Variants in EGR3 observed in about 807,000 individuals in gnomAD.
EGR3 encodes the protein early growth response protein 3.
EGR3 carries 4 observed loss-of-function variants against 22.4 expected under a neutral mutation model. The observed-to-expected ratio is 0.18, with a 90% CI of 0.09 to 0.41. The LOEUF (loss-of-function observed/expected upper bound fraction) is 0.41. Among genes scored for constraint, EGR3 ranks in the 10% least tolerant of loss-of-function variants. EGR3 has a pLI of 1.00. For synonymous variants in EGR3, 219 were observed against 226.8 expected (o/e 0.97, Z 0.31); for missense variants, 315 against 541.3 (o/e 0.58, Z 4.15).
In EGR3 at chr8:22,692,209, C is replaced by CCCT; in HGVS notation, c.154+579_154+581dup. 1 of 1,420,082 alleles carries CCCT rather than the reference C, an allele frequency of 7.0e-7. No individual in the cohort carries two copies. The highest frequency in any genetic ancestry group is 9.1e-7 in the Non-Finnish European group (1 of 1,092,996). The allele number at this position is 1,420,082 out of a possible 1,614,324, so 88.0% of individuals were successfully genotyped here. On this transcript the variant is annotated intron_variant, in intron 1 of 1. Coordinates refer to ENST00000317216, the MANE Select transcript of EGR3 (RefSeq NM_004430.3). The surrounding 1 kb of genome is among the most constrained non-coding windows in gnomAD (Gnocchi z 6.2). Reference sequence around the variant, plus strand: ...CCCCGGGATCGTTCCCCGTGGCAGGCCCTCGCCCCGCGGGTGAACCCCCTC... The same window carrying CCCT: ...CCCCGGGATCGTTCCCCGTGGCAGGCCCTCCTCGCCCCGCGGGTGAACCCCCTC...
chr8:22,691,467 A>C lies in EGR3; in HGVS notation c.170T>G (p.Ile57Ser). 6.2e-7 allele frequency: 1 copy of C among 1,613,878 alleles called. No individual in the cohort carries two copies. The highest frequency in any genetic ancestry group is 1.1e-5 in the South Asian group (1 of 91,074). Residue 57 changes from isoleucine to serine, a missense_variant, in exon 2 of 2, where the codon ATC (isoleucine) becomes AGC (serine). By Grantham distance (142) the Ile-to-Ser change is moderately radical. Coordinates refer to ENST00000317216, the MANE Select transcript of EGR3 (RefSeq NM_004430.3). ...NQMATENVMD[I>S]GLTNEKPNPE... Reference sequence around the variant, plus strand: ...GTTGGGCTTCTCGTTGGTCAGACCGATGTCCATTACATTCTCTGCGGAGAG... The same window carrying C: ...GTTGGGCTTCTCGTTGGTCAGACCGCTGTCCATTACATTCTCTGCGGAGAG...
chr8:22,693,040 C>G lies in EGR3; in HGVS notation c.-96G>C. The stretch of plus-strand genomic sequence containing the variant: ...GGCAAGCGGCATCCGAGAGGCGATC[C>G]GTGGTGCAGGGGAAAAGCATGCGAG... On this transcript the variant is annotated 5_prime_UTR_variant, in exon 1 of 2. Coordinates refer to ENST00000317216, the MANE Select transcript of EGR3 (RefSeq NM_004430.3). 2 of 1,111,714 alleles carry G rather than the reference C, an allele frequency of 1.8e-6. No individual in the cohort carries two copies. The highest frequency in any genetic ancestry group is 2.7e-5 in the South Asian group (2 of 73,196). The allele number at this position is 1,111,714 out of a possible 1,614,324, so 68.9% of individuals were successfully genotyped here.
Position 22,690,521 on chromosome 8 carries a change from G to C in EGR3, c.1116C>G (p.Ser372=). ...GGGCCAGCGACACGGGGGGCGCCGA[G>C]GATGCAGAGGGTGCACCGCCCTTCT... The part of the protein sequence containing the change: ...KAEKGGAPSA[S]SAPPVSLAPV... The change falls in exon 2 of 2, where the codon TCC becomes TCG. Residue 372 remains serine, a synonymous_variant. Coordinates refer to ENST00000317216, the MANE Select transcript of EGR3 (RefSeq NM_004430.3). 1 of 1,611,606 alleles carries C rather than the reference G, an allele frequency of 6.2e-7. No individual in the cohort carries two copies. Among genetic ancestry groups the C allele is most frequent in the South Asian group, 1.1e-5 (1 of 91,052 alleles).
At position 22,690,405 on chromosome 8, in the gene EGR3, C is replaced by G. The variant is rs1363328578; in HGVS notation, c.*68G>C. The G allele has an allele frequency of 2.2e-6, 3 of 1,372,714 alleles. No individual in the cohort carries two copies. The highest frequency in any genetic ancestry group is 2.2e-5 in the Admixed American group (1 of 44,842). 85.0% of individuals were successfully genotyped at this position (1,372,714 alleles called of 1,614,324 possible). On this transcript the variant is annotated 3_prime_UTR_variant, in exon 2 of 2. Transcript: ENST00000317216. ...CCCCTACGCCTCCGTGGCTGGCTTT[C>G]CCGCTGCTTTCAGGCTAGCAGCCGG...
chr8:22,688,615 TAAAAAAG>T lies in EGR3; in HGVS notation c.*1851_*1857del, dbSNP rs1372539716. On this transcript the variant is annotated 3_prime_UTR_variant, in exon 2 of 2. Transcript: ENST00000317216. ...AAACAAAAATGGTACTTCTTTTTCT[TAAAAAAG>T]AAAAAAGTGGAAAACGCATAAAGTG... 3.9e-5 allele frequency: 6 copies of T among 152,552 alleles called. No homozygotes were observed. Among genetic ancestry groups the T allele is most frequent in the African/African-American group, 1.4e-4 (6 of 41,420 alleles). The allele number at this position is 152,552 out of a possible 1,614,324, so 9.4% of individuals were successfully genotyped here. A position where few individuals can be genotyped will look rare whatever the true frequency, so the allele number is the denominator to read the frequency against.
chr8:22,691,337 G>C lies in EGR3; in HGVS notation c.300C>G (p.Asp100Glu), dbSNP rs1212497975. Residue 100 changes from aspartate (D) to glutamate (E), a missense_variant, in exon 2 of 2, where the codon GAC (aspartate) becomes GAG (glutamate). Asp to Glu is a conservative substitution (Grantham distance 45). This residue lies in a region of EGR3 where 227 missense variants were observed against 303.6 expected (regional missense o/e 0.75). Transcript: ENST00000317216. ...AFDSPSNWCQ[D>E]NIISLMSAGI... is the part of the protein sequence containing the mutation. The stretch of plus-strand genomic sequence containing the variant: ...CGGCGCTCATGAGGCTAATGATGTT[G>C]TCCTGGCACCAGTTGGAAGGGGAGT... 9.9e-6 allele frequency: 16 copies of C among 1,614,010 alleles called. No homozygotes were observed. Among genetic ancestry groups the C allele is most frequent in the Non-Finnish European group, 1.4e-5 (16 of 1,180,038 alleles).
chr8:22,691,229 G>A lies in EGR3; in HGVS notation c.408C>T (p.Asp136=). ...TASMVQPPQG[D]VEAMYPALPP... ...GTAGCGCGGGATACATGGCCTCCAC[G>A]TCACCCTGCGGTGGCTGCACCATGC... The change falls in exon 2 of 2, where the codon GAC becomes GAT. Residue 136 remains aspartate (D), a synonymous_variant. Transcript: ENST00000317216. 6.2e-7 allele frequency: 1 copy of A among 1,613,964 alleles called. No individual in the cohort carries two copies. Among genetic ancestry groups the A allele is most frequent in the African/African-American group, 1.3e-5 (1 of 75,056 alleles).
Position 22,692,677 on chromosome 8 carries a change from C to T in EGR3, c.154+114G>A. On this transcript the variant is annotated intron_variant, in intron 1 of 1. Transcript: ENST00000317216. This position sits in a 1 kb window ranked among gnomAD's most constrained non-coding sequence, Gnocchi z 6.2. The stretch of plus-strand genomic sequence containing the variant: ...TCCATTTATCTATCCACCCATCCAC[C>T]CATCCATCCATCCATCCATCCATCC... 1.9e-6 allele frequency: 2 copies of T among 1,028,254 alleles called. No homozygotes were observed. The highest frequency in any genetic ancestry group is 2.6e-6 in the Non-Finnish European group (2 of 766,240). 63.7% of individuals were successfully genotyped at this position (1,028,254 alleles called of 1,614,324 possible).
chr8:22,692,622 C>A lies in EGR3; in HGVS notation c.154+169G>T. The A allele has an allele frequency of 3.5e-6, 5 of 1,441,194 alleles. No homozygotes were observed. Among genetic ancestry groups the A allele is most frequent in the Non-Finnish European group, 4.6e-6 (5 of 1,096,624 alleles). The allele number at this position is 1,441,194 out of a possible 1,614,324, so 89.3% of individuals were successfully genotyped here. A position where few individuals can be genotyped will look rare whatever the true frequency, so the allele number is the denominator to read the frequency against. ...GGTGGGAAAAGCAACTCGCCCCCCG[C>A]AAAATTCCCAGCGCGCCCCCATCTC... On this transcript the variant is annotated intron_variant, in intron 1 of 1. Transcript: ENST00000317216. The surrounding 1 kb of genome is among the most constrained non-coding windows in gnomAD (Gnocchi z 6.2).
In EGR3 at chr8:22,689,179, T is replaced by C. The variant is rs561377948; in HGVS notation, c.*1294A>G. ...GTATACGCCTACAAATTCTCTTTATTCCGGTGCACTGCACTGGATAACCAA... is the reference window on the plus strand; with the variant it reads ...GTATACGCCTACAAATTCTCTTTATCCCGGTGCACTGCACTGGATAACCAA... On this transcript the variant is annotated 3_prime_UTR_variant, in exon 2 of 2. Coordinates refer to ENST00000317216, the MANE Select transcript of EGR3 (RefSeq NM_004430.3). 6.5e-6 allele frequency: 1 copy of C among 152,742 alleles called. No individual in the cohort carries two copies. The highest frequency in any genetic ancestry group is 6.5e-5 in the Admixed American group (1 of 15,306). The allele number at this position is 152,742 out of a possible 1,614,324, so 9.5% of individuals were successfully genotyped here.
At position 22,693,370 on chromosome 8, in the gene EGR3, G is replaced by GCCACCA; in HGVS notation, c.-427_-426insTGGTGG. The GCCACCA allele has an allele frequency of 1.6e-5, 1 of 61,544 alleles. No homozygotes were observed. The highest frequency in any genetic ancestry group is 3.0e-5 in the Non-Finnish European group (1 of 33,720). The allele number at this position is 61,544 out of a possible 1,614,324, so 3.8% of individuals were successfully genotyped here. On this transcript the variant is annotated 5_prime_UTR_variant, in exon 1 of 2. Coordinates refer to ENST00000317216, the MANE Select transcript of EGR3 (RefSeq NM_004430.3). Reference sequence around the variant, plus strand: ...TGCCACCGCCACCGCCACCGCCACCGCCGCCGCCGCCGCCGCCGCCGCCGC... The same window carrying GCCACCA: ...TGCCACCGCCACCGCCACCGCCACCGCCACCACCGCCGCCGCCGCCGCCGCCGCCGC...
chr8:22,691,814 C>T (rs1252770630), intron 1 of EGR3: 4 of 985,298 alleles, frequency 4.1e-6, no homozygotes, highest in Non-Finnish European at 2.4e-6. Flanking sequence ...GTAGCTGCAG[C>T]TACAGGTAGT....
chr8:22,690,177 G>T lies in EGR3; in HGVS notation c.*296C>A. ...TGCAGGTCCTTGGCGCGGCCCGGCGGCCCCTGGATCAAGGCGATCCGAACT... is the reference window on the plus strand; with the variant it reads ...TGCAGGTCCTTGGCGCGGCCCGGCGTCCCCTGGATCAAGGCGATCCGAACT... On this transcript the variant is annotated 3_prime_UTR_variant, in exon 2 of 2. Coordinates refer to ENST00000317216, the MANE Select transcript of EGR3 (RefSeq NM_004430.3). 2 of 436,980 alleles carry T rather than the reference G, an allele frequency of 4.6e-6. No individual in the cohort carries two copies. The highest frequency in any genetic ancestry group is 8.1e-6 in the Non-Finnish European group (2 of 245,602). The allele number at this position is 436,980 out of a possible 1,614,324, so 27.1% of individuals were successfully genotyped here. A position where few individuals can be genotyped will look rare whatever the true frequency, so the allele number is the denominator to read the frequency against.
In EGR3 at chr8:22,688,056, G is replaced by A. The variant is rs1367287216; in HGVS notation, c.*2417C>T. ...TTTCAAAAAATATCATTCCCCATAG[G>A]TTTTCCTGTTTAAAACCTGATTTTT... On this transcript the variant is annotated 3_prime_UTR_variant, in exon 2 of 2. Coordinates refer to ENST00000317216, the MANE Select transcript of EGR3 (RefSeq NM_004430.3). 6.6e-6 allele frequency: 1 copy of A among 151,398 alleles called. No homozygotes were observed. Among genetic ancestry groups the A allele is most frequent in the Admixed American group, 6.6e-5 (1 of 15,160 alleles). 9.4% of individuals were successfully genotyped at this position (151,398 alleles called of 1,614,324 possible).
Position 22,688,187 on chromosome 8 carries a change from G to A in EGR3, c.*2286C>T, listed in dbSNP as rs1395345329. On this transcript the variant is annotated 3_prime_UTR_variant, in exon 2 of 2. Transcript: ENST00000317216. ...GATAGCACAACCTTTTGGCAACAAA[G>A]TTATTTTTCTCTTAGTTTAGCTTAA... The A allele has an allele frequency of 2.0e-5, 3 of 151,860 alleles. No individual in the cohort carries two copies. Among genetic ancestry groups the A allele is most frequent in the Non-Finnish European group, 4.4e-5 (3 of 67,912 alleles). The allele number at this position is 151,860 out of a possible 1,614,324, so 9.4% of individuals were successfully genotyped here.
chr8:22,693,145 G>A lies in EGR3; in HGVS notation c.-201C>T. The A allele has an allele frequency of 1.2e-6, 1 of 829,764 alleles. No homozygotes were observed. The highest frequency in any genetic ancestry group is 1.7e-6 in the Non-Finnish European group (1 of 575,446). 51.4% of individuals were successfully genotyped at this position (829,764 alleles called of 1,614,324 possible). ...GGGGATCTTCTCTTTTTTGGGGGGCGGGAGAGGGCCCCAGGGGGTAATCCT... is the reference window on the plus strand; with the variant it reads ...GGGGATCTTCTCTTTTTTGGGGGGCAGGAGAGGGCCCCAGGGGGTAATCCT... On this transcript the variant is annotated 5_prime_UTR_variant, in exon 1 of 2. Transcript: ENST00000317216.
chr8:22,692,775 T>TC lies in EGR3; in HGVS notation c.154+15dup, dbSNP rs773470563. 13 of 1,611,584 alleles carry TC rather than the reference T, an allele frequency of 8.1e-6. No individual in the cohort carries two copies. Among genetic ancestry groups the TC allele is most frequent in the Non-Finnish European group, 1.0e-5 (12 of 1,179,078 alleles). ...CTTCCTTCCTCGCTGCCTCGCCGCC[T>TC]CCCCGCCGCCCTTACCTGTAGCCAT... On this transcript the variant is annotated intron_variant, in intron 1 of 1. Transcript: ENST00000317216. The surrounding 1 kb of genome is among the most constrained non-coding windows in gnomAD (Gnocchi z 6.2).
Position 22,692,676 on chromosome 8 carries a change from CCCATCCATCCATCCATCCATCCATCCAT to C in EGR3, c.154+87_154+114del. 1 of 1,373,384 alleles carries C rather than the reference CCCATCCATCCATCCATCCATCCATCCAT, an allele frequency of 7.3e-7. No homozygotes were observed. Among genetic ancestry groups the C allele is most frequent in the East Asian group, 2.5e-5 (1 of 40,032 alleles). 85.1% of individuals were successfully genotyped at this position (1,373,384 alleles called of 1,614,324 possible). On this transcript the variant is annotated intron_variant, in intron 1 of 1. Coordinates refer to ENST00000317216, the MANE Select transcript of EGR3 (RefSeq NM_004430.3). This position sits in a 1 kb window ranked among gnomAD's most constrained non-coding sequence, Gnocchi z 6.2. ...ATCCATTTATCTATCCACCCATCCA[CCCATCCATCCATCCATCCATCCATCCAT>C]CCATCCATCCATCACCAGGTCGTCC...
At chr8:22,691,505 G>C (rs776805510) in intron 1 of EGR3, 23 bp from the exon 2 acceptor site, 2 of 1,607,422 alleles carry the variant, frequency 1.2e-6, no homozygotes, top group Admixed American at 1.7e-5. Context: ...GGGGAGAGAG[G>C]GGAGGGGTGA....
Sources: gnomAD v4.1 joint callset for allele counts on GRCh38, gnomAD v4.1.1 for gene constraint, gnomAD v4.1.1 regional missense constraint, Gnocchi (gnomAD v3.1) non-coding constraint, MANE v1.5 for transcripts, NCBI Gene and HGNC (gene_info 2026-07-23, HGNC 2026-07-21) for gene names.